Variants in ADAMTSL3 observed in about 807,000 individuals in gnomAD.
ADAMTSL3 encodes ADAMTS like 3.
In ADAMTSL3, 128 loss-of-function variants were observed where a neutral mutation model predicts 201.7. The ratio of observed to expected loss-of-function variants is 0.63; its 90% CI spans 0.55 to 0.73. ADAMTSL3 has a LOEUF of 0.73. ADAMTSL3 is among the 30% of genes least tolerant of loss of function. ADAMTSL3 has a pLI of 0.00. For missense variants in ADAMTSL3, 1,990 were observed against 2,119.6 expected (o/e 0.94, Z 1.20); for synonymous variants, 738 against 748.4 (o/e 0.99, Z 0.23).
In ADAMTSL3 at chr15:83,915,722, G is replaced by A. The variant is rs545346612; in HGVS notation, c.1987+2344G>A. ...GAAACCACTACTGTCTATTATGGAC[G>A]TTGCATGTAATGGGATTATGTAATA... is the stretch of plus-strand genomic sequence containing the variant. On this transcript the variant is annotated intron_variant, in intron 16 of 29. Coordinates refer to ENST00000286744, the MANE Select transcript of ADAMTSL3 (RefSeq NM_207517.3). Among the ~76,000 whole-genome samples, 8 of 152,214 alleles carry A rather than the reference G, an allele frequency of 5.3e-5. No individual in the cohort carries two copies. The South Asian group carries it at 1.0e-3, about 20-fold the overall frequency.
At chr15:83,965,651 A>G (rs939465387) in intron 19 of ADAMTSL3, among the ~76,000 whole-genome samples, 3 of 152,228 alleles carry the variant, frequency 2.0e-5, no homozygotes, top group Non-Finnish European at 4.4e-5. Context: ...AAGGATATTC[A>G]GGACTTGAAC....
At chr15:83,934,907 C>T (rs540029498) in intron 17 of ADAMTSL3, among the ~76,000 whole-genome samples, 1 of 152,254 alleles carries the variant, frequency 6.6e-6, no homozygotes, top group South Asian at 2.1e-4. Flanking sequence ...AACATGGATG[C>T]AACTGGAGGC....
chr15:83,740,816 T>A (rs2062442512), intron 3 of ADAMTSL3, among the ~76,000 whole-genome samples: 1 of 152,180 alleles, frequency 6.6e-6, no homozygotes. Flanking sequence ...TTATAAATTA[T>A]GAGCAGTTAC....
intron 28 of ADAMTSL3, among the ~76,000 whole-genome samples, chr15:84,033,856 A>G (rs1407248413): frequency 6.6e-6 from 1 of 152,198 alleles, no homozygotes; most frequent in Non-Finnish European, 1.5e-5. Flanking sequence ...CGGAAGATAA[A>G]GAGTATAGAA....
chr15:83,971,919 A>G (rs865964397), intron 20 of ADAMTSL3, among the ~76,000 whole-genome samples: 114 of 148,304 alleles, frequency 7.7e-4, no homozygotes, highest in Middle Eastern at 3.6e-3. Flanking sequence ...TATATATGTT[A>G]TATATATATG....
At chr15:83,724,056 T>C (rs1235209954) in intron 3 of ADAMTSL3, among the ~76,000 whole-genome samples, 1 of 151,600 alleles carries the variant, frequency 6.6e-6, no homozygotes, top group African/African-American at 2.4e-5. Context: ...CTGATTTCCC[T>C]TCTTGTTTTT....
intron 15 of ADAMTSL3, among the ~76,000 whole-genome samples, chr15:83,907,881 A>T (rs536819494): frequency 1.3e-5 from 2 of 152,318 alleles, no homozygotes; most frequent in African/African-American, 4.8e-5. Flanking sequence ...TTATTTTCCT[A>T]TGAGTAAATA....
At chr15:83,714,617 G>C (rs997335935) in intron 3 of ADAMTSL3, among the ~76,000 whole-genome samples, 1 of 151,432 alleles carries the variant, frequency 6.6e-6, no homozygotes, top group African/African-American at 2.4e-5. Context: ...AGGTCCACCT[G>C]CTTGCTTCCT....
chr15:83,836,925 G>A (rs991326122), intron 6 of ADAMTSL3, among the ~76,000 whole-genome samples: 2 of 152,034 alleles, frequency 1.3e-5, no homozygotes, highest in South Asian at 2.1e-4. Context: ...AGATGAATAT[G>A]GGAAGGAAGG....
Position 83,942,946 on chromosome 15 carries a change from C to T in ADAMTSL3, c.2354C>T (p.Thr785Ile), listed in dbSNP as rs1480775139. The T allele has an allele frequency of 1.2e-6, 2 of 1,612,328 alleles. No homozygotes were observed. The highest frequency in any genetic ancestry group is 1.7e-6 in the Non-Finnish European group (2 of 1,179,086). The change falls in exon 19 of 30, where the codon ACC (threonine) becomes ATC (isoleucine). Residue 785 changes from threonine to isoleucine, a missense_variant. By Grantham distance (89) the Thr-to-Ile change is moderately conservative. Transcript: ENST00000286744. ...GGGGGAACTCAGAACAGAAGAGTCA[C>T]CTGTCGGCAGCTGCTAACGGATGGC... is the stretch of plus-strand genomic sequence containing the variant. ...CGGGTQNRRV[T>I]CRQLLTDGSF...
intron 2 of ADAMTSL3, among the ~76,000 whole-genome samples, chr15:83,680,634 A>G (rs74679101): frequency 6.6e-6 from 1 of 150,846 alleles, no homozygotes; most frequent in African/African-American, 2.4e-5. Context: ...TAGATATTGT[A>G]CTGTTTAATC....
intron 6 of ADAMTSL3, among the ~76,000 whole-genome samples, chr15:83,832,778 C>T (rs144750887): frequency 2.0e-5 from 3 of 152,222 alleles, no homozygotes; most frequent in Non-Finnish European, 4.4e-5. Context: ...TTTAAATGAA[C>T]ATGTCACAGT....
intron 12 of ADAMTSL3, among the ~76,000 whole-genome samples, chr15:83,891,633 C>A (rs892215412): frequency 2.1e-4 from 32 of 152,182 alleles, no homozygotes; most frequent in African/African-American, 7.5e-4. Context: ...ATAGCAGGAG[C>A]TCAAGTGTTG....
At chr15:83,779,613 G>T (rs548986263) in intron 4 of ADAMTSL3, among the ~76,000 whole-genome samples, 1 of 149,058 alleles carries the variant, frequency 6.7e-6, no homozygotes, top group Admixed American at 6.7e-5. Context: ...CAGGAGAATG[G>T]TGTGAACCTG....
intron 7 of ADAMTSL3, among the ~76,000 whole-genome samples, chr15:83,855,000 G>A (rs756008732): frequency 6.6e-6 from 1 of 152,120 alleles, no homozygotes; most frequent in Non-Finnish European, 1.5e-5. Context: ...GGTTTTTCAT[G>A]GAGAGTTGGT....
At chr15:83,733,345 T>C (rs1368594169) in intron 3 of ADAMTSL3, among the ~76,000 whole-genome samples, 1 of 152,114 alleles carries the variant, frequency 6.6e-6, no homozygotes, top group Non-Finnish European at 1.5e-5. Context: ...TGACAGAGAC[T>C]ATAGAAGTGG....
chr15:83,691,402 G>A (rs1440697675), intron 2 of ADAMTSL3, among the ~76,000 whole-genome samples: 5 of 152,184 alleles, frequency 3.3e-5, no homozygotes, highest in Admixed American at 1.3e-4. Context: ...CGTGTCAGGA[G>A]CCATATGGTC....
chr15:83,767,729 C>G (rs531958221), intron 3 of ADAMTSL3, among the ~76,000 whole-genome samples: 2 of 152,204 alleles, frequency 1.3e-5, no homozygotes, highest in African/African-American at 4.8e-5. Flanking sequence ...CTTCCCTCCC[C>G]ACAAACCTTT....
chr15:83,697,017 G>A (rs188896871), intron 2 of ADAMTSL3, among the ~76,000 whole-genome samples: 118 of 152,272 alleles, frequency 7.7e-4, no homozygotes, highest in Admixed American at 1.4e-3. Context: ...GTGATATTTG[G>A]CTGTGTTTGT....
Sources: allele counts gnomAD v4.1 joint callset (sites outside exome capture counted in the v4.1 genomes callset), GRCh38; gene constraint gnomAD v4.1.1; transcripts MANE v1.5; gene names NCBI Gene and HGNC (gene_info 2026-07-23, HGNC 2026-07-21).